PLCE1: variants seen among roughly 807,000 people sequenced by gnomAD.
PLCE1 encodes 1-phosphatidylinositol 4,5-bisphosphate phosphodiesterase epsilon-1.
Under a neutral mutation model 242.8 loss-of-function variants are expected in PLCE1, and 119 were observed. The observed-to-expected ratio is 0.49, with a 90% CI of 0.42 to 0.57. The LOEUF (loss-of-function observed/expected upper bound fraction) is 0.57. Ranked by LOEUF, PLCE1 falls within the 20% of genes least tolerant of loss-of-function variation. The probability of loss-of-function intolerance (pLI) is 0.00; values close to 1 mark genes in which losing one functional copy is unlikely to be tolerated. For synonymous variants in PLCE1, 945 were observed against 1,017.4 expected (o/e 0.93, Z 1.35); for missense variants, 2,441 against 2,788.8 (o/e 0.88, Z 2.81).
At chr10:94,285,114 A>T (rs2052391932) in intron 22 of PLCE1, 149 bp downstream of exon 22, 1 of 607,326 alleles carries the variant, frequency 1.6e-6, no homozygotes, top group Admixed American at 2.9e-5. Context: ...TATCTTTATT[A>T]TTATAATTTG....
chr10:94,179,522 T>TGTTTTTTG (rs2048236197), intron 4 of PLCE1, among the ~76,000 whole-genome samples: 1 of 19,052 alleles, frequency 5.2e-5, no homozygotes. Flanking sequence ...GTTTTTTTTT[T>TGTTTTTTG]TTTTTTTTGA....
chr10:94,002,637 T>C (rs1390750309), intron 1 of PLCE1, among the ~76,000 whole-genome samples: 1 of 152,202 alleles, frequency 6.6e-6, no homozygotes, highest in Non-Finnish European at 1.5e-5. Context: ...TAATTTTTGA[T>C]TATATGCTGT....
At position 94,318,336 on chromosome 10, in the gene PLCE1, G is replaced by A. The variant is rs141559591; in HGVS notation, c.6342+1580G>A. Among the ~76,000 whole-genome samples, 20 of 152,222 alleles carry A rather than the reference G, an allele frequency of 1.3e-4. No homozygotes were observed. The East Asian group carries it at 3.1e-3, about 24-fold the overall frequency. On this transcript the variant is annotated intron_variant, in intron 29 of 32. Transcript: ENST00000371380. ...TTTTGTCCTGTTCCTAAATTGTCTT[G>A]CCTTATTAATTAGCTACATGTAAAA...
intron 27 of PLCE1, among the ~76,000 whole-genome samples, chr10:94,312,471 G>A (rs11187853): frequency 0.31 from 46,662 of 152,058 alleles, 7,475 homozygotes; most frequent in Middle Eastern, 0.48. Flanking sequence ...CACATGTTAC[G>A]TCAATTTGGG....
chr10:94,031,959 G>C lies in PLCE1; in HGVS notation c.913G>C (p.Asp305His). The C allele has an allele frequency of 6.2e-7, 1 of 1,613,810 alleles. No homozygotes were observed. Among genetic ancestry groups the C allele is most frequent in the Non-Finnish European group, 8.5e-7 (1 of 1,179,822 alleles). ...TTTGAGCCATTTTGAGGACTTCCCT[G>C]ATAATTGTGATGATGTAGAAGAAGA... The part of the protein sequence containing the change: ...TFLSHFEDFP[D>H]NCDDVEEDAF... Residue 305 changes from aspartate to histidine, a missense_variant, in exon 2 of 33, where the codon GAT (aspartate) becomes CAT (histidine). Physicochemically the swap from Asp to His is moderately conservative, Grantham distance 81 (BLOSUM62 -1). Around this residue, in one of 5 missense-constraint regions of PLCE1, gnomAD observed 393 missense variants for 378.5 expected, o/e 1.04. Coordinates refer to ENST00000371380, the MANE Select transcript of PLCE1 (RefSeq NM_016341.4).
At chr10:94,171,592 TC>T in intron 4 of PLCE1, 96 bp downstream of exon 4, 6 of 956,082 alleles carry the variant, frequency 6.3e-6, no homozygotes, top group Non-Finnish European at 8.6e-6. Context: ...CCTGATGTGT[TC>T]ATTTCATTCT....
chr10:94,072,358 G>C (rs1005668470), intron 2 of PLCE1, among the ~76,000 whole-genome samples: 1 of 151,838 alleles, frequency 6.6e-6, no homozygotes, highest in Non-Finnish European at 1.5e-5. Context: ...CTCACTGCAA[G>C]CTCTGCCTCC....
intron 2 of PLCE1, among the ~76,000 whole-genome samples, chr10:94,128,824 G>A (rs1467464250): frequency 6.6e-6 from 1 of 152,188 alleles, no homozygotes; most frequent in African/African-American, 2.4e-5. Flanking sequence ...TTGGCCAGGT[G>A]TGGTCACTAA....
intron 4 of PLCE1, among the ~76,000 whole-genome samples, chr10:94,192,244 G>A (rs1935971): frequency 0.93 from 141,559 of 152,250 alleles, 66,246 homozygotes; most frequent in Non-Finnish European, 0.98. Flanking sequence ...TTTCATGGGT[G>A]TGCTGTATGA....
At chr10:94,132,683 G>T (rs1270716701) in intron 3 of PLCE1, among the ~76,000 whole-genome samples, 1 of 151,506 alleles carries the variant, frequency 6.6e-6, no homozygotes, top group East Asian at 2.1e-4. Context: ...GGGTGCGGTG[G>T]CTCACACCTG....
intron 2 of PLCE1, among the ~76,000 whole-genome samples, chr10:94,121,598 T>TA (rs1343944754): frequency 6.6e-6 from 1 of 152,180 alleles, no homozygotes; most frequent in Non-Finnish European, 1.5e-5. Flanking sequence ...TTTGAATGCT[T>TA]ATTTATAACA....
At chr10:94,050,052 G>T (rs974484778) in intron 2 of PLCE1, among the ~76,000 whole-genome samples, 7 of 152,126 alleles carry the variant, frequency 4.6e-5, no homozygotes, top group Non-Finnish European at 1.0e-4. Context: ...GGGCTTCTAT[G>T]AATAGTGCTA....
chr10:94,266,524 A>G (rs915804843), intron 16 of PLCE1, among the ~76,000 whole-genome samples: 1 of 152,168 alleles, frequency 6.6e-6, no homozygotes, highest in Admixed American at 6.5e-5. Flanking sequence ...GGTTCTCTAG[A>G]CTAGAAAAAG....
intron 3 of PLCE1, among the ~76,000 whole-genome samples, chr10:94,159,293 G>C (rs1242428887): frequency 6.6e-6 from 1 of 152,016 alleles, no homozygotes; most frequent in Non-Finnish European, 1.5e-5. Context: ...GACGGATTTT[G>C]TTACTTTGAA....
At chr10:94,018,985 A>G (rs148470280) in intron 1 of PLCE1, among the ~76,000 whole-genome samples, 572 of 152,344 alleles carry the variant, frequency 3.8e-3, no homozygotes, top group Non-Finnish European at 6.6e-3. Flanking sequence ...ACATAGTCCT[A>G]TATCAGGAAA....
chr10:94,304,486 C>T lies in PLCE1; in HGVS notation c.5463C>T (p.Leu1821=), dbSNP rs777992402. 5 of 1,613,760 alleles carry T rather than the reference C, an allele frequency of 3.1e-6. No individual in the cohort carries two copies. Among genetic ancestry groups the T allele is most frequent in the Admixed American group, 1.7e-5 (1 of 59,990 alleles). Residue 1821 remains leucine (L), a synonymous_variant, in exon 25 of 33, where the codon CTC becomes CTT. Transcript: ENST00000371380. ...LVALNYQTDD[L]PLHLNAAMFE... ...TCTTTGTTGTTTGTTTTACAGATCT[C>T]CCTTTACATTTAAATGCTGCAATGT...
At chr10:94,275,827 C>A (rs1253729570) in intron 19 of PLCE1, among the ~76,000 whole-genome samples, 1 of 151,332 alleles carries the variant, frequency 6.6e-6, no homozygotes, top group Non-Finnish European at 1.5e-5. Flanking sequence ...AGAGTAAGAC[C>A]CTGACTCAAA....
chr10:94,325,334 C>G (rs2053971266), intron 32 of PLCE1: 3 of 434,732 alleles, frequency 6.9e-6, no homozygotes, highest in Non-Finnish European at 1.3e-5. Context: ...CGTGGTGGCG[C>G]ATGCCTGTAA....
At chr10:94,027,530 T>G (rs2061471844) in intron 1 of PLCE1, among the ~76,000 whole-genome samples, 1 of 152,194 alleles carries the variant, frequency 6.6e-6, no homozygotes, top group African/African-American at 2.4e-5. Flanking sequence ...ACATATAAGA[T>G]AAGCTTCTTG....
Sources: allele counts gnomAD v4.1 joint callset (sites outside exome capture counted in the v4.1 genomes callset), GRCh38; gene constraint gnomAD v4.1.1; regional missense constraint gnomAD v4.1.1; transcripts MANE v1.5; gene names NCBI Gene and HGNC (gene_info 2026-07-23, HGNC 2026-07-21).